SYNE2: variants seen among roughly 807,000 people sequenced by gnomAD.
The protein encoded by SYNE2 is nesprin-2.
Under a neutral mutation model 856.3 loss-of-function variants are expected in SYNE2, and 431 were observed. The ratio of observed to expected loss-of-function variants is 0.50; its 90% CI spans 0.47 to 0.55. The LOEUF (loss-of-function observed/expected upper bound fraction) is 0.55. Among genes scored for constraint, SYNE2 ranks in the 20% least tolerant of loss-of-function variants. The pLI is 0.00. For missense variants in SYNE2, 8,129 were observed against 8,023.2 expected (o/e 1.01, Z -0.50); for synonymous variants, 2,923 against 2,872.3 (o/e 1.02, Z -0.56).
intron 36 of SYNE2, among the ~76,000 whole-genome samples, 167 bp from the exon 37 acceptor site, chr14:64,021,687 AATT>A (rs1234609321): frequency 6.6e-6 from 1 of 152,236 alleles, no homozygotes; most frequent in Non-Finnish European, 1.5e-5. Context: ...TGTGCATGAT[AATT>A]ATTTGATATT....
chr14:63,997,202 G>A (rs1184433342), intron 24 of SYNE2, 44 bp downstream of exon 24: 9 of 1,598,540 alleles, frequency 5.6e-6, no homozygotes, highest in Non-Finnish European at 7.7e-6. Flanking sequence ...ATAAAACGAA[G>A]CCTTTTGCAC....
intron 1 of SYNE2, among the ~76,000 whole-genome samples, chr14:63,835,829 C>T (rs7158960): frequency 0.56 from 84,885 of 151,554 alleles, 24,272 homozygotes; most frequent in South Asian, 0.66. Flanking sequence ...ACTAAAAATA[C>T]GAAATTAGCT....
At chr14:64,223,866 A>G (rs546411736) in intron 113 of SYNE2, among the ~76,000 whole-genome samples, 15 of 152,190 alleles carry the variant, frequency 9.9e-5, no homozygotes, top group Non-Finnish European at 1.5e-4. Context: ...TGATGGCCAC[A>G]TGATCTCATC....
intron 64 of SYNE2, among the ~76,000 whole-genome samples, chr14:64,104,961 T>TA (rs2097761667): frequency 6.6e-6 from 1 of 152,214 alleles, no homozygotes; most frequent in Admixed American, 6.5e-5. Flanking sequence ...TTGCTCCTCT[T>TA]ACTAATTTCT....
At chr14:63,803,617 G>A (rs12892314) in intron 1 of SYNE2, among the ~76,000 whole-genome samples, 96,166 of 152,030 alleles carry the variant, frequency 0.63, 30,880 homozygotes, top group South Asian at 0.75. Flanking sequence ...AAGCACGCAC[G>A]CAGCCCCGGT....
intron 73 of SYNE2, among the ~76,000 whole-genome samples, chr14:64,127,603 A>G (rs1014013308): frequency 6.6e-6 from 1 of 152,142 alleles, no homozygotes; most frequent in African/African-American, 2.4e-5. Flanking sequence ...CTAAGGAATG[A>G]CAATCCGTGT....
chr14:64,075,087 T>C (rs1237117488), intron 53 of SYNE2, among the ~76,000 whole-genome samples: 1 of 152,190 alleles, frequency 6.6e-6, no homozygotes, highest in East Asian at 1.9e-4. Flanking sequence ...TCTCTCTAGA[T>C]TTGTCCTCTG....
At chr14:64,059,197 T>A (rs2097297039) in intron 49 of SYNE2, among the ~76,000 whole-genome samples, 1 of 152,180 alleles carries the variant, frequency 6.6e-6, no homozygotes, top group Admixed American at 6.5e-5. Flanking sequence ...GAAGTCATGT[T>A]TTCATGGATG....
chr14:64,007,686 G>A (rs890599893), intron 31 of SYNE2, among the ~76,000 whole-genome samples: 3 of 152,092 alleles, frequency 2.0e-5, no homozygotes, highest in Admixed American at 6.5e-5. Context: ...AGACCAGCCT[G>A]GCCAACATGG....
At chr14:64,144,638 A>G (rs2098166521) in intron 83 of SYNE2, among the ~76,000 whole-genome samples, 1 of 152,246 alleles carries the variant, frequency 6.6e-6, no homozygotes, top group African/African-American at 2.4e-5. Context: ...GATAAGGACA[A>G]AAACCCAAAG....
At chr14:63,903,552 C>T (rs1044846960) in intron 1 of SYNE2, among the ~76,000 whole-genome samples, 3 of 152,106 alleles carry the variant, frequency 2.0e-5, no homozygotes, top group Non-Finnish European at 4.4e-5. Context: ...TTGCCTCAAA[C>T]TTCTGGGTTT....
chr14:64,090,856 T>C lies in SYNE2; in HGVS notation c.11794-10T>C, dbSNP rs759774980. 1.9e-6 allele frequency: 3 copies of C among 1,612,004 alleles called. No individual in the cohort carries two copies. Among genetic ancestry groups the C allele is most frequent in the East Asian group, 4.5e-5 (2 of 44,860 alleles). On this transcript the variant is annotated splice_polypyrimidine_tract_variant and intron_variant, in intron 59 of 115. Transcript: ENST00000555002. ...TCATTTCTGTAACATGCTCCTCTTA[T>C]ATAATTAAGGTCATACTTGAAAATA...
intron 33 of SYNE2, 99 bp downstream of exon 33, chr14:64,016,730 T>A: frequency 1.2e-6 from 1 of 835,624 alleles, no homozygotes; most frequent in South Asian, 1.7e-5. Context: ...AAATACTCAT[T>A]GTAAAAATGT....
intron 6 of SYNE2, among the ~76,000 whole-genome samples, chr14:63,945,438 A>C (rs1470742575): frequency 2.0e-5 from 3 of 152,016 alleles, no homozygotes; most frequent in Non-Finnish European, 4.4e-5. Flanking sequence ...TTCGTGTTTG[A>C]CTTATTTCAT....
chr14:64,093,328 T>C, intron 60 of SYNE2, 21 bp from the exon 61 acceptor site: 1 of 1,613,206 alleles, frequency 6.2e-7, no homozygotes, highest in Non-Finnish European at 8.5e-7. Context: ...AAGATTCTTT[T>C]TTGTGGGGGT....
In SYNE2 at chr14:63,981,191, G is replaced by C; in HGVS notation, c.1836+18G>C. 2 of 1,584,628 alleles carry C rather than the reference G, an allele frequency of 1.3e-6. No individual in the cohort carries two copies. Among genetic ancestry groups the C allele is most frequent in the Non-Finnish European group, 1.7e-6 (2 of 1,153,662 alleles). ...TTAAAGAGGTATTTGCAGTCTAATA[G>C]CATCTGCTCAATTTTATTTTTTAAT... is the stretch of plus-strand genomic sequence containing the variant. On this transcript the variant is annotated intron_variant, in intron 16 of 115. Transcript: ENST00000555002.
At chr14:64,169,738 T>C (rs2098401436) in intron 93 of SYNE2, among the ~76,000 whole-genome samples, 1 of 152,238 alleles carries the variant, frequency 6.6e-6, no homozygotes, top group Non-Finnish European at 1.5e-5. Context: ...AAAACATGAC[T>C]TTCCCATAAT....
intron 60 of SYNE2, among the ~76,000 whole-genome samples, chr14:64,091,300 T>C (rs570462814): frequency 6.6e-6 from 1 of 152,344 alleles, no homozygotes; most frequent in South Asian, 2.1e-4. Flanking sequence ...GGCAAAATGC[T>C]GTGGGAAGAG....
rs2140488464 is a variant in SYNE2 at position 64,224,563 on chromosome 14, C to T, written c.20469+16C>T. On this transcript the variant is annotated intron_variant, in intron 114 of 115. Transcript: ENST00000555002. Reference sequence around the variant, plus strand: ...CCGAGCAAAGGTAAGAAGCCCCTTCCTTCTGTGAGAACCTCACTGGTTATT... The same window carrying T: ...CCGAGCAAAGGTAAGAAGCCCCTTCTTTCTGTGAGAACCTCACTGGTTATT... The T allele has an allele frequency of 6.2e-7, 1 of 1,613,874 alleles. No homozygotes were observed. The highest frequency in any genetic ancestry group is 1.3e-5 in the African/African-American group (1 of 75,022).
Sources: gnomAD v4.1 joint callset for allele counts (sites outside exome capture counted in the v4.1 genomes callset) on GRCh38, gnomAD v4.1.1 for gene constraint, MANE v1.5 for transcripts, NCBI Gene and HGNC (gene_info 2026-07-23, HGNC 2026-07-21) for gene names.